Variants in SAMD13 observed in about 807,000 individuals in gnomAD.
The protein encoded by SAMD13 is sterile alpha motif domain-containing protein 13.
A neutral mutation model predicts 12.4 loss-of-function variants in SAMD13; 9 were observed. The ratio of observed to expected loss-of-function variants is 0.72; its 90% confidence interval spans 0.44 to 1.26. The LOEUF (loss-of-function observed/expected upper bound fraction) is 1.26, where lower values mean the gene tolerates loss of function less well. SAMD13 is among the 50% of genes most tolerant of loss of function. The pLI is 0.00. For synonymous variants in SAMD13, 46 were observed against 45.4 expected (o/e 1.01, Z -0.05); for missense variants, 84 against 119.6 (o/e 0.70, Z 1.39).
At chr1:84,337,794 C>T (rs913519528) in intron 3 of SAMD13, among the ~76,000 whole-genome samples, 58 of 152,152 alleles carry the variant, frequency 3.8e-4, no homozygotes, top group African/African-American at 1.3e-3. Context: ...AACTTTTTTG[C>T]TCTGTTTCCC....
At chr1:84,308,322 G>A (rs1678630039) in intron 2 of SAMD13, among the ~76,000 whole-genome samples, 1 of 152,166 alleles carries the variant, frequency 6.6e-6, no homozygotes, top group East Asian at 1.9e-4. Context: ...TCCAGAAAGG[G>A]ATAACATGTA....
chr1:84,330,102 A>G (rs1405307576), intron 3 of SAMD13, among the ~76,000 whole-genome samples: 2 of 152,188 alleles, frequency 1.3e-5, no homozygotes, highest in African/African-American at 4.8e-5. Flanking sequence ...GCTGTGGTGA[A>G]GGGAATGAGT....
Position 84,314,047 on chromosome 1 carries a change from A to C in SAMD13, c.53+10760A>C, listed in dbSNP as rs560262115. ...GATTAGAAAGTGAATGACAGAAGTA[A>C]AATATTAAGGTAGACTTAGAAATTA... On this transcript the variant is annotated intron_variant, in intron 2 of 3. Coordinates refer to ENST00000394834, the MANE Select transcript of SAMD13 (RefSeq NM_001134663.2). Among the ~76,000 whole-genome samples, 9 of 152,270 alleles carry C rather than the reference A, an allele frequency of 5.9e-5. No homozygotes were observed. The East Asian group carries it at 1.7e-3, about 29-fold the overall frequency.
At chr1:84,343,606 A>G (rs1679472396) in intron 3 of SAMD13, among the ~76,000 whole-genome samples, 1 of 152,234 alleles carries the variant, frequency 6.6e-6, no homozygotes, top group Admixed American at 6.5e-5. Flanking sequence ...ATGCAAGAAC[A>G]GAAAACCAAA....
Position 84,349,825 on chromosome 1 carries a change from T to C in SAMD13, c.*51T>C. 1 of 1,569,590 alleles carries C rather than the reference T, an allele frequency of 6.4e-7. No homozygotes were observed. The highest frequency in any genetic ancestry group is 8.6e-7 in the Non-Finnish European group (1 of 1,159,880). ...TCAAAAAATACATAATGACATAATTTAGTTTCATGTAATGAAACTTTGTAA... is the reference window on the plus strand; with the variant it reads ...TCAAAAAATACATAATGACATAATTCAGTTTCATGTAATGAAACTTTGTAA... On this transcript the variant is annotated 3_prime_UTR_variant, in exon 4 of 4. Coordinates refer to ENST00000394834, the MANE Select transcript of SAMD13 (RefSeq NM_001134663.2).
intron 2 of SAMD13, among the ~76,000 whole-genome samples, chr1:84,315,896 G>A (rs1678822592): frequency 6.6e-6 from 1 of 151,940 alleles, no homozygotes; most frequent in Non-Finnish European, 1.5e-5. Context: ...TGTTGTTTTG[G>A]TAATAGTATC....
intron 2 of SAMD13, among the ~76,000 whole-genome samples, chr1:84,312,068 G>A (rs1364711659): frequency 6.6e-6 from 1 of 152,018 alleles, no homozygotes. Context: ...TACTTTTTGT[G>A]ACATACCTCT....
chr1:84,336,352 C>G (rs1679286256), intron 3 of SAMD13, among the ~76,000 whole-genome samples: 1 of 152,132 alleles, frequency 6.6e-6, no homozygotes, highest in South Asian at 2.1e-4. Context: ...TAAGACTGGG[C>G]AGTTTACAAA....
intron 3 of SAMD13, among the ~76,000 whole-genome samples, chr1:84,343,677 G>T (rs1249514875): frequency 6.6e-6 from 1 of 152,088 alleles, no homozygotes; most frequent in Non-Finnish European, 1.5e-5. Flanking sequence ...ACACAGGGAG[G>T]GGAACAACAC....
At chr1:84,312,687 A>G (rs1033784429) in intron 2 of SAMD13, among the ~76,000 whole-genome samples, 2 of 152,160 alleles carry the variant, frequency 1.3e-5, no homozygotes, top group Non-Finnish European at 2.9e-5. Flanking sequence ...ATAGGATGGA[A>G]CAGTTCAAGT....
intron 2 of SAMD13, among the ~76,000 whole-genome samples, chr1:84,307,523 T>C (rs932995190): frequency 6.6e-5 from 10 of 152,230 alleles, no homozygotes; most frequent in Non-Finnish European, 1.5e-4. Flanking sequence ...TCAGTCAGTT[T>C]CAATTAACTG....
At chr1:84,347,300 T>C (rs1242771718) in intron 3 of SAMD13, among the ~76,000 whole-genome samples, 1 of 152,266 alleles carries the variant, frequency 6.6e-6, no homozygotes, top group Non-Finnish European at 1.5e-5. Flanking sequence ...AATGAGGATT[T>C]CCAGATGGAG....
At chr1:84,317,520 A>G (rs1036810287) in intron 2 of SAMD13, among the ~76,000 whole-genome samples, 1 of 151,884 alleles carries the variant, frequency 6.6e-6, no homozygotes, top group Non-Finnish European at 1.5e-5. Flanking sequence ...TGATTTTCAT[A>G]TGTTGAACCG....
chr1:84,345,744 C>A (rs1015991186), intron 3 of SAMD13, among the ~76,000 whole-genome samples: 5 of 152,166 alleles, frequency 3.3e-5, no homozygotes, highest in African/African-American at 1.2e-4. Flanking sequence ...CTATACATTT[C>A]CCATGGACCA....
rs201925003 is a variant in SAMD13 at position 84,339,360 on chromosome 1, G to GT, written c.166-10263dup. The stretch of plus-strand genomic sequence containing the variant: ...TTTGAAATTGCTGTCCTTTGGATGT[G>GT]TTTTTTTTGCCTTTATCTTCTTTAA... On this transcript the variant is annotated intron_variant, in intron 3 of 3. Transcript: ENST00000394834. Among the ~76,000 whole-genome samples, 84 of 151,462 alleles carry GT rather than the reference G, an allele frequency of 5.5e-4. 1 individual carries two copies. The highest frequency in any genetic ancestry group is 6.8e-3 in the Middle Eastern group (2 of 294).
In SAMD13 at chr1:84,303,231, T is replaced by C; in HGVS notation, c.-4T>C. 1 of 1,613,116 alleles carries C rather than the reference T, an allele frequency of 6.2e-7. No homozygotes were observed. Among genetic ancestry groups the C allele is most frequent in the Non-Finnish European group, 8.5e-7 (1 of 1,179,216 alleles). The stretch of plus-strand genomic sequence containing the variant: ...CTGAAGTAAAGGAACCCTGCAGCCT[T>C]CCCATGCTATCTGTTGACATGGAAA... On this transcript the variant is annotated 5_prime_UTR_variant, in exon 2 of 4. Transcript: ENST00000394834.
chr1:84,324,202 T>C (rs941862355), intron 2 of SAMD13, among the ~76,000 whole-genome samples: 5 of 152,174 alleles, frequency 3.3e-5, no homozygotes, highest in African/African-American at 7.2e-5. Context: ...CTCTCCAGCA[T>C]CCTCTTTTTC....
At chr1:84,303,019 C>G (rs549400496) in intron 1 of SAMD13, 184 bp from the exon 2 acceptor site, 40 of 504,876 alleles carry the variant, frequency 7.9e-5, no homozygotes, top group Admixed American at 6.1e-4. Context: ...CACCCCAATC[C>G]GTCTCCTCCA....
chr1:84,334,134 G>T (rs886596825), intron 3 of SAMD13, among the ~76,000 whole-genome samples: 1 of 152,090 alleles, frequency 6.6e-6, no homozygotes. Context: ...AATGGTACCA[G>T]CTCTTCTTTA....
Sources: allele counts gnomAD v4.1 joint callset (sites outside exome capture counted in the v4.1 genomes callset), GRCh38; gene constraint gnomAD v4.1.1; transcripts MANE v1.5; gene names NCBI Gene and HGNC (gene_info 2026-07-23, HGNC 2026-07-21).